TLCD4: variants seen among roughly 807,000 people sequenced by gnomAD.
The protein encoded by TLCD4 is TLC domain-containing protein 4.
A neutral mutation model predicts 24.2 loss-of-function variants in TLCD4; 7 were observed. That is an observed-to-expected ratio of 0.29 (90% CI 0.16 to 0.54). TLCD4 has a LOEUF of 0.54. Among genes scored for constraint, TLCD4 ranks in the 20% least tolerant of loss-of-function variants. The probability of loss-of-function intolerance (pLI) is 0.95; values close to 1 mark genes in which losing one functional copy is unlikely to be tolerated. For missense variants in TLCD4, 259 were observed against 313.9 expected (o/e 0.82, Z 1.32); for synonymous variants, 103 against 106.4 (o/e 0.97, Z 0.20).
chr1:95,098,894 G>A, the TLCD4 span, among the ~76,000 whole-genome samples: 1 of 151,300 alleles, frequency 6.6e-6, no homozygotes, highest in Non-Finnish European at 1.5e-5. Context: ...GAGAAACCCG[G>A]TCTCTCTAAA....
chr1:95,103,934 CTT>C, the TLCD4 span, among the ~76,000 whole-genome samples: 1 of 152,172 alleles, frequency 6.6e-6, no homozygotes, highest in Non-Finnish European at 1.5e-5. Context: ...ATGACTTTCT[CTT>C]TCTGTACTAA....
the TLCD4 span, among the ~76,000 whole-genome samples, chr1:95,105,811 C>T: frequency 1.4e-5 from 2 of 146,910 alleles, no homozygotes; most frequent in East Asian, 2.0e-4. Context: ...AAGAGAATGG[C>T]GTGAACCCGC....
chr1:95,124,697 C>T lies in TLCD4; in HGVS notation c.-12+7080C>T, dbSNP rs890143444. On this transcript the variant is annotated intron_variant, in intron 1 of 6. Coordinates refer to ENST00000370203, the MANE Select transcript of TLCD4 (RefSeq NM_152487.3). The stretch of plus-strand genomic sequence containing the variant: ...TGATCTTGTTTCTGGATAATTTTTC[C>T]ACAAAGTAGTATAGAATATACAATT... Among the ~76,000 whole-genome samples, 4 of 152,064 alleles carry T rather than the reference C, an allele frequency of 2.6e-5. No individual in the cohort carries two copies. The South Asian group carries it at 8.3e-4, about 31-fold the overall frequency.
the TLCD4 span, among the ~76,000 whole-genome samples, chr1:95,105,634 G>A: frequency 1.1e-4 from 17 of 152,044 alleles, no homozygotes; most frequent in Non-Finnish European, 1.8e-4. Flanking sequence ...GGTGGCTCAC[G>A]CCTGTAATCC....
At chr1:95,092,698 A>G in the TLCD4 span, among the ~76,000 whole-genome samples, 4 of 151,890 alleles carry the variant, frequency 2.6e-5, no homozygotes, top group Admixed American at 1.3e-4. Context: ...CAGAAGGAAC[A>G]AACTCCAGAC....
At chr1:95,137,176 T>C (rs907108257) in intron 1 of TLCD4, among the ~76,000 whole-genome samples, 5 of 152,192 alleles carry the variant, frequency 3.3e-5, no homozygotes, top group African/African-American at 1.2e-4. Flanking sequence ...TTCATTTTCT[T>C]GGTCAAATGG....
intron 5 of TLCD4, among the ~76,000 whole-genome samples, chr1:95,169,336 G>A (rs1423045716): frequency 7.2e-5 from 11 of 152,206 alleles, no homozygotes; most frequent in Non-Finnish European, 2.9e-5. Flanking sequence ...TTGGGAAGAG[G>A]AGAGAGGAAT....
chr1:95,171,396 C>G (rs1678216794), intron 5 of TLCD4, among the ~76,000 whole-genome samples: 2 of 152,206 alleles, frequency 1.3e-5, no homozygotes, highest in African/African-American at 4.8e-5. Flanking sequence ...ATTTGCAGTT[C>G]ACAATAATGG....
At chr1:95,177,711 G>T (rs1290074785) in intron 6 of TLCD4, among the ~76,000 whole-genome samples, 1 of 151,992 alleles carries the variant, frequency 6.6e-6, no homozygotes, top group East Asian at 1.9e-4. Flanking sequence ...AGTTAATCTT[G>T]AGTTACATAG....
chr1:95,132,793 TG>T (rs1395280526), intron 1 of TLCD4, among the ~76,000 whole-genome samples: 2 of 152,150 alleles, frequency 1.3e-5, no homozygotes, highest in Non-Finnish European at 2.9e-5. Context: ...TAAAGAACTC[TG>T]TTATTTAGTA....
chr1:95,105,941 AAAG>A, the TLCD4 span, among the ~76,000 whole-genome samples: 7 of 150,592 alleles, frequency 4.6e-5, no homozygotes, highest in Admixed American at 3.3e-4. Flanking sequence ...ACGAGTGCAG[AAAG>A]AAGACTACTG....
intron 1 of TLCD4, among the ~76,000 whole-genome samples, chr1:95,136,930 G>A (rs1642797412): frequency 6.6e-6 from 1 of 152,146 alleles, no homozygotes; most frequent in African/African-American, 2.4e-5. Flanking sequence ...CTTGGGCGAA[G>A]TAGAACCTGT....
the TLCD4 span, among the ~76,000 whole-genome samples, chr1:95,104,246 C>A: frequency 6.6e-6 from 1 of 152,166 alleles, no homozygotes; most frequent in African/African-American, 2.4e-5. Context: ...ACAATGGGAA[C>A]ACTTAGATAG....
chr1:95,190,952 G>A (rs6593619), intron 6 of TLCD4, among the ~76,000 whole-genome samples: 149,694 of 152,302 alleles, frequency 0.98, 73,612 homozygotes, highest in East Asian at 1. Flanking sequence ...AGTGTCTTTC[G>A]CAGAGCAAGT....
intron 2 of TLCD4, among the ~76,000 whole-genome samples, chr1:95,145,086 C>T (rs897995813): frequency 1.3e-5 from 2 of 152,164 alleles, no homozygotes; most frequent in Non-Finnish European, 2.9e-5. Flanking sequence ...GACTTCTTCA[C>T]GTGCTTTAGA....
At chr1:95,175,689 A>G (rs1678395439) in intron 6 of TLCD4, among the ~76,000 whole-genome samples, 1 of 152,110 alleles carries the variant, frequency 6.6e-6, no homozygotes, top group Admixed American at 6.5e-5. Flanking sequence ...ATCCTCATCA[A>G]CACTTGCTGT....
chr1:95,123,814 A>G (rs1057326337), intron 1 of TLCD4, among the ~76,000 whole-genome samples: 9 of 152,242 alleles, frequency 5.9e-5, no homozygotes, highest in Non-Finnish European at 1.0e-4. Context: ...CCTTGAAGTT[A>G]CTTCTAATAA....
the TLCD4 span, among the ~76,000 whole-genome samples, chr1:95,111,080 C>T: frequency 1.3e-5 from 2 of 151,682 alleles, no homozygotes; most frequent in East Asian, 3.9e-4. Flanking sequence ...TTGCTTGAGG[C>T]AAGGTATTTG....
chr1:95,102,361 A>T, the TLCD4 span, among the ~76,000 whole-genome samples: 1 of 152,180 alleles, frequency 6.6e-6, no homozygotes, highest in African/African-American at 2.4e-5. Flanking sequence ...GTAAATGAAA[A>T]ATACATAGGG....
Sources: allele counts gnomAD v4.1 joint callset (sites outside exome capture counted in the v4.1 genomes callset), GRCh38; gene constraint gnomAD v4.1.1; transcripts MANE v1.5; gene names NCBI Gene and HGNC (gene_info 2026-07-23, HGNC 2026-07-21).